Variants in LMNB2 observed in about 807,000 individuals in gnomAD.
LMNB2 encodes lamin B2.
LMNB2 carries 17 observed loss-of-function variants against 69.3 expected under a neutral mutation model. The ratio of observed to expected loss-of-function variants is 0.25; its 90% CI spans 0.17 to 0.37. LMNB2 has a LOEUF of 0.37. Ranked by LOEUF, LMNB2 falls within the 10% of genes least tolerant of loss-of-function variation. The pLI, the probability that LMNB2 is intolerant of heterozygous loss-of-function variation, is 1.00. For synonymous variants in LMNB2, 397 were observed against 389.3 expected, an observed-to-expected ratio of 1.02 and a Z score of -0.23; for missense variants, 789 against 883.6, an observed-to-expected ratio of 0.89 and a Z score of 1.36.
At position 2,430,052 on chromosome 19, in the gene LMNB2, A is replaced by G. The variant is rs1433953211; in HGVS notation, c.*859T>C. ...GGGGCTCCACAGCGCTCTCCTCCAG[A>G]GGGTCAACATGGTGGCGTTCCCTGC... On this transcript the variant is annotated 3_prime_UTR_variant, in exon 12 of 12. Coordinates refer to ENST00000325327, the MANE Select transcript of LMNB2 (RefSeq NM_032737.4). 1 of 152,850 alleles carries G rather than the reference A, an allele frequency of 6.5e-6. No homozygotes were observed. The highest frequency in any genetic ancestry group is 1.5e-5 in the Non-Finnish European group (1 of 68,544). The allele number at this position is 152,850 out of a possible 1,614,324, so 9.5% of individuals were successfully genotyped here.
intron 6 of LMNB2, 53 bp from the exon 7 acceptor site, chr19:2,434,568 C>A: frequency 6.3e-7 from 1 of 1,583,212 alleles, no homozygotes; most frequent in East Asian, 2.3e-5. Context: ...TCACAAGGCC[C>A]AGGTGATCCT....
chr19:2,433,059 C>T (rs561674669), intron 8 of LMNB2, among the ~76,000 whole-genome samples: 3 of 120,372 alleles, frequency 2.5e-5, no homozygotes, highest in East Asian at 5.3e-4. Context: ...TGGGTCACCC[C>T]GTTACCCCCA....
chr19:2,448,100 C>G (rs995145470), intron 1 of LMNB2, among the ~76,000 whole-genome samples: 1 of 152,216 alleles, frequency 6.6e-6, no homozygotes, highest in African/African-American at 2.4e-5. Context: ...GGCACCCCGG[C>G]CACCCCCAAG....
chr19:2,433,815 T>A lies in LMNB2; in HGVS notation c.1482+11A>T, dbSNP rs202063885. 31 of 1,605,926 alleles carry A rather than the reference T, an allele frequency of 1.9e-5. No homozygotes were observed. The highest frequency in any genetic ancestry group is 9.6e-5 in the African/African-American group (7 of 72,988). On this transcript the variant is annotated intron_variant, in intron 8 of 11. Coordinates refer to ENST00000325327, the MANE Select transcript of LMNB2 (RefSeq NM_032737.4). The stretch of plus-strand genomic sequence containing the variant: ...ACCCCGTTACCCCCATGCCCCGGTC[T>A]TTCCGGTCACCTTGTCCGAGTTGTT...
chr19:2,435,375 G>A (rs550337893), intron 4 of LMNB2, among the ~76,000 whole-genome samples: 63 of 152,344 alleles, frequency 4.1e-4, no homozygotes, highest in Admixed American at 1.3e-3. Flanking sequence ...GAAAAGGAGC[G>A]AGGCTCTGAC....
In LMNB2 at chr19:2,451,102, G is replaced by C. The variant is rs188493686; in HGVS notation, c.264+5568C>G. ...CTAAAAATACAAAAATTAGCTGGGC[G>C]TGGCAGTGCAAACCTGTGATCCCAG... On this transcript the variant is annotated intron_variant, in intron 1 of 11. Transcript: ENST00000325327. Among the ~76,000 whole-genome samples the C allele has an allele frequency of 6.6e-5, 10 of 152,200 alleles. No individual in the cohort carries two copies. In the East Asian group the frequency reaches 2.0e-3, roughly 30 times the overall value.
intron 2 of LMNB2, among the ~76,000 whole-genome samples, chr19:2,441,684 G>C (rs541988401): frequency 3.3e-4 from 50 of 152,386 alleles, no homozygotes; most frequent in African/African-American, 1.2e-3. Flanking sequence ...CGTCCTTGCG[G>C]AGGGAGGCAT....
At position 2,444,421 on chromosome 19, in the gene LMNB2, C is replaced by G. The variant is rs1277135050; in HGVS notation, c.384G>C (p.Leu128Phe). 1.2e-6 allele frequency: 2 copies of G among 1,613,724 alleles called. No individual in the cohort carries two copies. The highest frequency in any genetic ancestry group is 1.7e-6 in the Non-Finnish European group (2 of 1,180,030). Reference protein sequence around the residue: ...QIEIGKLRAELDEVNKSAKKR... With the variant: ...QIEIGKLRAEFDEVNKSAKKR... ...CCACTCACCTCTTGTTGACCTCGTCCAACTCTGCCCTCAGCTTCCCAATCT... is the reference window on the plus strand; with the variant it reads ...CCACTCACCTCTTGTTGACCTCGTCGAACTCTGCCCTCAGCTTCCCAATCT... Residue 128 changes from leucine to phenylalanine, a missense_variant, in exon 2 of 12, where the codon TTG (leucine) becomes TTC (phenylalanine). Leu to Phe is a conservative substitution (Grantham distance 22). Transcript: ENST00000325327.
chr19:2,452,668 G>C (rs1361409897), intron 1 of LMNB2, among the ~76,000 whole-genome samples: 1 of 151,910 alleles, frequency 6.6e-6, no homozygotes, highest in Non-Finnish European at 1.5e-5. Context: ...AGAGGTTGCA[G>C]TCAGCCGAGA....
rs1396769814 is a variant in LMNB2, at chr19:2,453,310, C to T, written c.264+3360G>A. Among the ~76,000 whole-genome samples, 2 of 152,078 alleles carry T rather than the reference C, an allele frequency of 1.3e-5. No individual in the cohort carries two copies. The highest frequency in any genetic ancestry group is 2.9e-5 in the Non-Finnish European group (2 of 67,986). ...GCTCTTAGGCCTGACACCCCAGGTCCCTCCTCGTTCAGAGCTCCCTCCCCT... is the reference window on the plus strand; with the variant it reads ...GCTCTTAGGCCTGACACCCCAGGTCTCTCCTCGTTCAGAGCTCCCTCCCCT... On this transcript the variant is annotated intron_variant, in intron 1 of 11. Coordinates refer to ENST00000325327, the MANE Select transcript of LMNB2 (RefSeq NM_032737.4). This position sits in a 1 kb window ranked among gnomAD's most constrained non-coding sequence, Gnocchi z 4.4.
intron 8 of LMNB2, among the ~76,000 whole-genome samples, chr19:2,432,894 C>T (rs1200138880): frequency 2.3e-5 from 2 of 88,296 alleles, no homozygotes; most frequent in Admixed American, 1.9e-4. Flanking sequence ...TGTCCCCTGC[C>T]TCGCATTGGC....
chr19:2,430,882 A>T lies in LMNB2; in HGVS notation c.*29T>A. On this transcript the variant is annotated 3_prime_UTR_variant, in exon 12 of 12. Transcript: ENST00000325327. ...AATAGTTTTCAGTGGCTCTGGGTAA[A>T]GAAAGGTGTGTGGATGAGGAGTGTG... The T allele has an allele frequency of 6.9e-7, 1 of 1,447,012 alleles. No individual in the cohort carries two copies. The highest frequency in any genetic ancestry group is 1.1e-5 in the South Asian group (1 of 87,640). The allele number at this position is 1,447,012 out of a possible 1,614,324, so 89.6% of individuals were successfully genotyped here.
Position 2,453,088 on chromosome 19 carries a change from A to C in LMNB2, c.264+3582T>G, listed in dbSNP as rs115470424. ...CTCATGGGGCTGGGTCATCCTCGTG[A>C]GGGCTGCGTCATCCTCGTGGGGGCC... On this transcript the variant is annotated intron_variant, in intron 1 of 11. Coordinates refer to ENST00000325327, the MANE Select transcript of LMNB2 (RefSeq NM_032737.4). This position sits in a 1 kb window ranked among gnomAD's most constrained non-coding sequence, Gnocchi z 4.4. 6.3e-5 allele frequency among the ~76,000 whole-genome samples: 7 copies of C among 111,368 alleles called. No individual in the cohort carries two copies. The highest frequency in any genetic ancestry group is 2.9e-4 in the South Asian group (1 of 3,498). 73.1% of individuals were successfully genotyped at this position (111,368 alleles called of 152,430 possible). A position where few individuals can be genotyped will look rare whatever the true frequency, so the allele number is the denominator to read the frequency against.
rs551531652 is a variant in LMNB2 at position 2,434,265 on chromosome 19, T to G, written c.1202+30A>C. 15 of 1,607,214 alleles carry G rather than the reference T, an allele frequency of 9.3e-6. No individual in the cohort carries two copies. The African/African-American group carries it at 2.0e-4, about 22-fold the overall frequency. ...CCTGCCCTGCCCCTCCTCCTCACTCTGTGCTCCCAAGCCTCCTGGCCTGCC... is the reference window on the plus strand; with the variant it reads ...CCTGCCCTGCCCCTCCTCCTCACTCGGTGCTCCCAAGCCTCCTGGCCTGCC... On this transcript the variant is annotated intron_variant, in intron 7 of 11. Coordinates refer to ENST00000325327, the MANE Select transcript of LMNB2 (RefSeq NM_032737.4).
At chr19:2,456,073 C>T (rs1262016362) in intron 1 of LMNB2, among the ~76,000 whole-genome samples, 1 of 150,834 alleles carries the variant, frequency 6.6e-6, no homozygotes, top group Admixed American at 6.6e-5. Context: ...GACCCCAAGC[C>T]GGGAGTCGTT....
At chr19:2,439,235 C>G (rs1481523472) in intron 2 of LMNB2, among the ~76,000 whole-genome samples, 2 of 151,758 alleles carry the variant, frequency 1.3e-5, no homozygotes, top group African/African-American at 4.8e-5. Context: ...TGAATTTTAC[C>G]CCCTCCCGAC....
intron 1 of LMNB2, among the ~76,000 whole-genome samples, chr19:2,448,166 G>T (rs965153406): frequency 6.6e-6 from 1 of 152,194 alleles, no homozygotes; most frequent in Non-Finnish European, 1.5e-5. Context: ...CTGTGTCCTG[G>T]GAACAGACTT....
Position 2,447,524 on chromosome 19 carries a change from C to T in LMNB2, c.265-2984G>A, listed in dbSNP as rs1259640415. On this transcript the variant is annotated intron_variant, in intron 1 of 11. Coordinates refer to ENST00000325327, the MANE Select transcript of LMNB2 (RefSeq NM_032737.4). The surrounding 1 kb of genome is among the most constrained non-coding windows in gnomAD (Gnocchi z 4.4). Reference sequence around the variant, plus strand: ...GCACAGCTGTGGAGATATGAAAACGCGAAACCTACGGGTGAGCTGGGTGAA... The same window carrying T: ...GCACAGCTGTGGAGATATGAAAACGTGAAACCTACGGGTGAGCTGGGTGAA... 1.3e-5 allele frequency among the ~76,000 whole-genome samples: 2 copies of T among 152,290 alleles called. No homozygotes were observed. Among genetic ancestry groups the T allele is most frequent in the Middle Eastern group, 3.4e-3 (1 of 294 alleles).
chr19:2,444,416 T>A lies in LMNB2; in HGVS notation c.389A>T (p.Glu130Val), dbSNP rs1295248694. 1 of 1,613,802 alleles carries A rather than the reference T, an allele frequency of 6.2e-7. No homozygotes were observed. Among genetic ancestry groups the A allele is most frequent in the African/African-American group, 1.3e-5 (1 of 75,022 alleles). ...CGTGACCACTCACCTCTTGTTGACC[T>A]CGTCCAACTCTGCCCTCAGCTTCCC... The part of the protein sequence containing the change: ...EIGKLRAELD[E>V]VNKSAKKREG... Residue 130 changes from glutamate to valine, a missense_variant, in exon 2 of 12, where the codon GAG becomes GTG. Glu to Val is a moderately radical substitution (Grantham distance 121). Transcript: ENST00000325327.
Sources: gnomAD v4.1 joint callset for allele counts (sites outside exome capture counted in the v4.1 genomes callset) on GRCh38, gnomAD v4.1.1 for gene constraint, Gnocchi (gnomAD v3.1) non-coding constraint, MANE v1.5 for transcripts, NCBI Gene and HGNC (gene_info 2026-07-23, HGNC 2026-07-21) for gene names.